Variants in PDSS2 observed in about 807,000 individuals in gnomAD.
PDSS2 encodes the protein decaprenyl diphosphate synthase subunit 2, also known as all trans-polyprenyl-diphosphate synthase PDSS2.
A neutral mutation model predicts 44.5 loss-of-function variants in PDSS2; 31 were observed. The ratio of observed to expected loss-of-function variants is 0.70; its 90% CI spans 0.52 to 0.94. The LOEUF (loss-of-function observed/expected upper bound fraction) is 0.94, where lower values mean the gene tolerates loss of function less well. Ranked by LOEUF, PDSS2 falls within the 40% of genes least tolerant of loss-of-function variation. The probability of loss-of-function intolerance (pLI) is 0.00; values close to 1 mark genes in which losing one functional copy is unlikely to be tolerated. For synonymous variants in PDSS2, 157 were observed against 180.3 expected, an observed-to-expected ratio of 0.87 and a Z score of 1.03; for missense variants, 452 against 482.2, an observed-to-expected ratio of 0.94 and a Z score of 0.59.
chr6:107,316,341 T>C (rs2115143774), intron 2 of PDSS2, among the ~76,000 whole-genome samples: 1 of 152,326 alleles, frequency 6.6e-6, no homozygotes, highest in East Asian at 1.9e-4. Flanking sequence ...TCTCAAAACA[T>C]CTGTAAAATA....
intron 1 of PDSS2, among the ~76,000 whole-genome samples, chr6:107,358,998 AT>A (rs1269614805): frequency 1.4e-5 from 2 of 139,836 alleles, no homozygotes; most frequent in African/African-American, 5.3e-5. Context: ...GAGCTTTAGC[AT>A]TCTCGCTCTT....
chr6:107,307,639 T>C (rs1421191207), intron 2 of PDSS2, among the ~76,000 whole-genome samples: 1 of 152,166 alleles, frequency 6.6e-6, no homozygotes, highest in Non-Finnish European at 1.5e-5. Flanking sequence ...CTTTTCCCAT[T>C]TCTTGTGGGT....
intron 7 of PDSS2, among the ~76,000 whole-genome samples, chr6:107,184,024 C>A (rs1582751140): frequency 6.9e-6 from 1 of 145,884 alleles, no homozygotes; most frequent in Non-Finnish European, 1.5e-5. Flanking sequence ...CAAAACAAAG[C>A]AAAGAAAAAA....
At chr6:107,424,525 AT>A (rs898588452) in intron 1 of PDSS2, among the ~76,000 whole-genome samples, 1 of 151,368 alleles carries the variant, frequency 6.6e-6, no homozygotes, top group African/African-American at 2.4e-5. Flanking sequence ...TTTGATACTA[AT>A]TTTTTTTTCA....
intron 2 of PDSS2, among the ~76,000 whole-genome samples, chr6:107,292,460 G>C (rs1052542635): frequency 1.3e-5 from 2 of 152,122 alleles, no homozygotes; most frequent in African/African-American, 4.8e-5. Flanking sequence ...AGATGCCTTT[G>C]GTGGTGGTAG....
chr6:107,236,138 T>C (rs1236782034), intron 4 of PDSS2, among the ~76,000 whole-genome samples: 1 of 152,194 alleles, frequency 6.6e-6, no homozygotes, highest in East Asian at 1.9e-4. Context: ...CATGATAATC[T>C]ATTTATGACT....
intron 4 of PDSS2, among the ~76,000 whole-genome samples, chr6:107,214,603 C>T (rs1773351354): frequency 6.6e-6 from 1 of 152,120 alleles, no homozygotes; most frequent in East Asian, 1.9e-4. Flanking sequence ...TAACTCAATA[C>T]ACTTTTCTTC....
intron 1 of PDSS2, among the ~76,000 whole-genome samples, chr6:107,384,219 A>C (rs1470838144): frequency 2.0e-5 from 3 of 152,230 alleles, no homozygotes; most frequent in Non-Finnish European, 4.4e-5. Flanking sequence ...CCATAAAGAC[A>C]GAACTAGGGG....
At chr6:107,371,153 C>G (rs1562494185) in intron 1 of PDSS2, among the ~76,000 whole-genome samples, 1 of 149,144 alleles carries the variant, frequency 6.7e-6, no homozygotes, top group Non-Finnish European at 1.5e-5. Context: ...GCTCTCCAGC[C>G]TGGGCGACAA....
rs940321432 is a variant in PDSS2 at position 107,444,355 on chromosome 6, T to C, written c.296+14635A>G. 7.1e-4 allele frequency among the ~76,000 whole-genome samples: 108 copies of C among 152,136 alleles called. 2 individuals are homozygous for C. Among genetic ancestry groups the C allele is most frequent in the Admixed American group, 7.0e-3 (107 of 15,264 alleles). Reference sequence around the variant, plus strand: ...CACCAGGTTCTATTACTATCCTTGATTTACAGATGAAGAAACTAAGGCACA... The same window carrying C: ...CACCAGGTTCTATTACTATCCTTGACTTACAGATGAAGAAACTAAGGCACA... On this transcript the variant is annotated intron_variant, in intron 1 of 7. Coordinates refer to ENST00000369037, the MANE Select transcript of PDSS2 (RefSeq NM_020381.4).
At chr6:107,413,180 A>T (rs754451703) in intron 1 of PDSS2, among the ~76,000 whole-genome samples, 1 of 152,208 alleles carries the variant, frequency 6.6e-6, no homozygotes, top group Non-Finnish European at 1.5e-5. Flanking sequence ...TATTAGGATC[A>T]CTTCAATTTG....
intron 2 of PDSS2, among the ~76,000 whole-genome samples, chr6:107,305,334 T>G (rs1415895682): frequency 6.6e-6 from 1 of 152,144 alleles, no homozygotes; most frequent in Non-Finnish European, 1.5e-5. Context: ...ACTTCAGGTA[T>G]CTATGGCCCT....
At chr6:107,181,274 C>T (rs1281749144) in intron 7 of PDSS2, among the ~76,000 whole-genome samples, 1 of 152,158 alleles carries the variant, frequency 6.6e-6, no homozygotes, top group Non-Finnish European at 1.5e-5. Context: ...GTGGCTCATG[C>T]CTGTAATCCC....
chr6:107,445,725 C>T (rs556746442), intron 1 of PDSS2, among the ~76,000 whole-genome samples: 3 of 152,278 alleles, frequency 2.0e-5, no homozygotes, highest in African/African-American at 7.2e-5. Context: ...CCTTACCTGC[C>T]ACATTCAGAT....
rs563784501 is a variant in PDSS2 at position 107,240,748 on chromosome 6, C to A, written c.702+4800G>T. On this transcript the variant is annotated intron_variant, in intron 4 of 7. Coordinates refer to ENST00000369037, the MANE Select transcript of PDSS2 (RefSeq NM_020381.4). ...ATTTAAAAAAAAAAAAGCAATTTTT[C>A]TATTTCAAATGCTTCTTTCTTCAAT... Among the ~76,000 whole-genome samples, 17 of 151,818 alleles carry A rather than the reference C, an allele frequency of 1.1e-4. 1 individual carries two copies. The East Asian group carries it at 3.3e-3, about 29-fold the overall frequency.
At chr6:107,236,329 G>A (rs997811359) in intron 4 of PDSS2, among the ~76,000 whole-genome samples, 1 of 152,096 alleles carries the variant, frequency 6.6e-6, no homozygotes, top group Non-Finnish European at 1.5e-5. Context: ...CTGGCTGGAC[G>A]CAGTGGCTGA....
intron 1 of PDSS2, among the ~76,000 whole-genome samples, chr6:107,344,667 T>A (rs1450893187): frequency 6.6e-6 from 1 of 152,004 alleles, no homozygotes; most frequent in Non-Finnish European, 1.5e-5. Flanking sequence ...GAAAGTAGAA[T>A]GGGGGTAGGG....
rs185282981 is a variant in PDSS2 at position 107,458,078 on chromosome 6, G to A, written c.296+912C>T. On this transcript the variant is annotated intron_variant, in intron 1 of 7. Transcript: ENST00000369037. ...ATATATAGACATATCTACGTAGCAG[G>A]TGGATCTGATTAAAGAGTATGCAAG... Among the ~76,000 whole-genome samples, 424 of 152,142 alleles carry A rather than the reference G, an allele frequency of 2.8e-3. 5 individuals are homozygous for A. Among genetic ancestry groups the A allele is most frequent in the Middle Eastern group, 0.01 (3 of 294 alleles).
chr6:107,241,797 C>A (rs928171793), intron 4 of PDSS2, among the ~76,000 whole-genome samples: 1 of 152,188 alleles, frequency 6.6e-6, no homozygotes, highest in Non-Finnish European at 1.5e-5. Context: ...CTGCATTAAG[C>A]TGCCATATAG....
Sources: allele counts gnomAD v4.1 joint callset (sites outside exome capture counted in the v4.1 genomes callset), GRCh38; gene constraint gnomAD v4.1.1; transcripts MANE v1.5; gene names NCBI Gene and HGNC (gene_info 2026-07-23, HGNC 2026-07-21).